Variants in ACOXL observed in about 807,000 individuals in gnomAD.
The protein encoded by ACOXL is acyl-CoA oxidase like.
ACOXL carries 70 observed loss-of-function variants against 71.9 expected under a neutral mutation model. The observed-to-expected ratio is 0.97, with a 90% CI of 0.80 to 1.19. The LOEUF (loss-of-function observed/expected upper bound fraction) is 1.19. Ranked by LOEUF, ACOXL falls within the 50% of genes most tolerant of loss-of-function variation. The probability of loss-of-function intolerance (pLI) is 0.00; values close to 1 mark genes in which losing one functional copy is unlikely to be tolerated. For missense variants in ACOXL, 703 were observed against 736.3 expected (o/e 0.95, Z 0.52); for synonymous variants, 253 against 281.6 (o/e 0.90, Z 1.02).
intron 11 of ACOXL, among the ~76,000 whole-genome samples, chr2:110,917,849 G>T (rs991295652): frequency 6.6e-5 from 10 of 152,160 alleles, no homozygotes; most frequent in Admixed American, 6.6e-4. Context: ...ACTTACAAGG[G>T]ATGTGAAGGA....
At chr2:111,034,697 T>G (rs2065427115) in intron 15 of ACOXL, among the ~76,000 whole-genome samples, 1 of 152,194 alleles carries the variant, frequency 6.6e-6, no homozygotes, top group South Asian at 2.1e-4. Context: ...GAACGGGTCC[T>G]AAAGATAAGG....
At chr2:111,050,443 T>C (rs997239339) in intron 16 of ACOXL, among the ~76,000 whole-genome samples, 2 of 152,222 alleles carry the variant, frequency 1.3e-5, no homozygotes, top group Admixed American at 6.5e-5. Context: ...ATTCTCTGTT[T>C]CCTGCTTTAA....
At chr2:110,799,899 TCTGTAAAATGCACCAATCAGCGCC>T (rs1384587887) in intron 7 of ACOXL, among the ~76,000 whole-genome samples, 2 of 151,980 alleles carry the variant, frequency 1.3e-5, no homozygotes, top group African/African-American at 2.4e-5. Context: ...CAATCAGCGC[TCTGTAAAATGCACCAATCAGCGCC>T]CTCTAAAATG....
chr2:110,920,274 T>C (rs1337431176), intron 11 of ACOXL, among the ~76,000 whole-genome samples: 1 of 152,238 alleles, frequency 6.6e-6, no homozygotes, highest in Non-Finnish European at 1.5e-5. Context: ...TCTGTCTTTC[T>C]GATAGTTGTC....
chr2:110,851,706 C>T (rs74182834), intron 10 of ACOXL, among the ~76,000 whole-genome samples: 11,765 of 152,238 alleles, frequency 0.077, 631 homozygotes, highest in Admixed American at 0.15. Flanking sequence ...GTCCTGAGAG[C>T]CCTCAGGGCG....
At chr2:111,085,578 AGTGTT>A (rs1304573353) in intron 16 of ACOXL, among the ~76,000 whole-genome samples, 1 of 152,210 alleles carries the variant, frequency 6.6e-6, no homozygotes, top group Non-Finnish European at 1.5e-5. Flanking sequence ...CAGGTAAGGT[AGTGTT>A]AAGAGTGAAA....
At chr2:111,111,444 C>T (rs1309635488) in intron 17 of ACOXL, among the ~76,000 whole-genome samples, 7 of 152,208 alleles carry the variant, frequency 4.6e-5, no homozygotes, top group African/African-American at 1.7e-4. Context: ...AGCTTTATTA[C>T]AACTACCTAA....
At chr2:110,995,233 C>T (rs1388314843) in intron 13 of ACOXL, among the ~76,000 whole-genome samples, 2 of 151,930 alleles carry the variant, frequency 1.3e-5, no homozygotes, top group Middle Eastern at 3.5e-3. Flanking sequence ...GGCACAGTGG[C>T]TCATGCCTGT....
At chr2:111,098,788 A>C (rs1225558142) in intron 17 of ACOXL, 1 of 152,242 alleles carries the variant, frequency 6.6e-6, no homozygotes, top group African/African-American at 2.4e-5. Flanking sequence ...AAAAGTTAGC[A>C]TAGGGAGATA....
intron 2 of ACOXL, among the ~76,000 whole-genome samples, chr2:110,778,882 A>T (rs1470665177): frequency 1.3e-5 from 2 of 152,210 alleles, no homozygotes; most frequent in East Asian, 3.8e-4. Flanking sequence ...ATTAAAATGA[A>T]TGTAGAATGC....
intron 16 of ACOXL, among the ~76,000 whole-genome samples, chr2:111,070,728 T>C (rs950547399): frequency 1.3e-5 from 2 of 152,050 alleles, no homozygotes; most frequent in East Asian, 3.9e-4. Context: ...TTACTTCTTG[T>C]AGATGGGTTT....
intron 12 of ACOXL, among the ~76,000 whole-genome samples, chr2:110,943,079 A>AGAAGAGAGGGAGGGAGGAAG (rs2060940697): frequency 7.1e-6 from 1 of 140,348 alleles, no homozygotes; most frequent in Non-Finnish European, 1.6e-5. Context: ...AAGGAAGAAA[A>AGAAGAGAGGGAGGGAGGAAG]GAAGAGAGGG....
At chr2:111,086,186 A>G (rs1210986943) in intron 16 of ACOXL, among the ~76,000 whole-genome samples, 1 of 152,082 alleles carries the variant, frequency 6.6e-6, no homozygotes, top group East Asian at 1.9e-4. Context: ...AAACATTGAG[A>G]AAGGACACCT....
intron 12 of ACOXL, among the ~76,000 whole-genome samples, chr2:110,972,465 G>T (rs767003635): frequency 1.3e-5 from 2 of 152,078 alleles, no homozygotes; most frequent in Non-Finnish European, 2.9e-5. Flanking sequence ...GTATAAGTGG[G>T]GTGTGTCAAC....
chr2:110,927,573 A>G (rs1381306779), intron 11 of ACOXL, among the ~76,000 whole-genome samples: 1 of 152,100 alleles, frequency 6.6e-6, no homozygotes, highest in Non-Finnish European at 1.5e-5. Flanking sequence ...CTTCTCTAAG[A>G]CACTCTCCCT....
intron 17 of ACOXL, chr2:111,093,342 A>G (rs2068637669): frequency 2.1e-6 from 2 of 936,466 alleles, no homozygotes; most frequent in Non-Finnish European, 3.2e-6. Flanking sequence ...AGTGGTAGCC[A>G]TGGGGAATTC....
intron 9 of ACOXL, among the ~76,000 whole-genome samples, chr2:110,836,860 G>A (rs1436771024): frequency 6.6e-6 from 1 of 152,232 alleles, no homozygotes; most frequent in Non-Finnish European, 1.5e-5. Flanking sequence ...CTGCAGACCC[G>A]GGTATAAGCT....
At chr2:110,857,891 C>A (rs777422456) in intron 10 of ACOXL, among the ~76,000 whole-genome samples, 1 of 151,922 alleles carries the variant, frequency 6.6e-6, no homozygotes, top group South Asian at 2.1e-4. Context: ...ACGCCCAGCT[C>A]ATTTTTGTAT....
intron 9 of ACOXL, among the ~76,000 whole-genome samples, chr2:110,833,458 C>T (rs1238856293): frequency 1.3e-5 from 2 of 152,112 alleles, no homozygotes; most frequent in African/African-American, 4.8e-5. Flanking sequence ...TACACACGGT[C>T]ACCATGAGGG....
Sources: allele counts gnomAD v4.1 joint callset (sites outside exome capture counted in the v4.1 genomes callset), GRCh38; gene constraint gnomAD v4.1.1; transcripts MANE v1.5; gene names NCBI Gene and HGNC (gene_info 2026-07-23, HGNC 2026-07-21).